Variants in PARG observed in about 807,000 individuals in gnomAD.
PARG encodes mitochondrial poly(ADP-ribose) glycohydrolase.
Under a neutral mutation model 113.0 loss-of-function variants are expected in PARG, and 35 were observed. That is an observed-to-expected ratio of 0.31 (90% CI 0.24 to 0.41). The LOEUF (loss-of-function observed/expected upper bound fraction) is 0.41. Ranked by LOEUF, PARG falls within the 10% of genes least tolerant of loss-of-function variation. The probability of loss-of-function intolerance (pLI) is 1.00; values close to 1 mark genes in which losing one functional copy is unlikely to be tolerated. For synonymous variants in PARG, 330 were observed against 409.9 expected (o/e 0.81, Z 2.36); for missense variants, 797 against 1,169.4 (o/e 0.68, Z 4.64).
Position 49,912,145 on chromosome 10 carries a change from C to T in PARG, c.1737+3772G>A, listed in dbSNP as rs1837222442. On this transcript the variant is annotated intron_variant, in intron 7 of 17. Coordinates refer to ENST00000616448, the MANE Select transcript of PARG (RefSeq NM_003631.5). ...TGAAACCCTGTCTCTACCAAAAATC[C>T]AAAAATTAGCCAGGTGTGGTGGTGC... Among the ~76,000 whole-genome samples, 3 of 151,732 alleles carry T rather than the reference C, an allele frequency of 2.0e-5. No homozygotes were observed. In the South Asian group the frequency reaches 6.2e-4, roughly 32 times the overall value.
chr10:49,930,013 T>A (rs1163776506), intron 4 of PARG, among the ~76,000 whole-genome samples: 1 of 151,776 alleles, frequency 6.6e-6, no homozygotes, highest in African/African-American at 2.4e-5. Flanking sequence ...AAGAAAATCC[T>A]GATTCATCCA....
intron 8 of PARG, among the ~76,000 whole-genome samples, chr10:49,880,146 A>G (rs1279083307): frequency 1.3e-5 from 2 of 152,246 alleles, no homozygotes; most frequent in East Asian, 3.8e-4. Context: ...GTAATGAAAA[A>G]TTAAAACAAA....
intron 13 of PARG, among the ~76,000 whole-genome samples, chr10:49,844,622 C>CAAAAAAAAAAAAAAAACAAAAA (rs34659290): frequency 9.0e-6 from 1 of 111,188 alleles, no homozygotes. Context: ...GACTCCATCT[C>CAAAAAAAAAAAAAAAACAAAAA]AAAAAAAAAA....
chr10:49,828,092 CAAAAAAAAAAAAAAAAAA>C (rs71026274), intron 16 of PARG, among the ~76,000 whole-genome samples: 3 of 50,368 alleles, frequency 6.0e-5, no homozygotes, highest in African/African-American at 2.4e-4. Context: ...AAAGCTTAAA[CAAAAAAAAAAAAAAAAAA>C]AAAAAAAAAA....
chr10:49,828,858 C>A (rs550792950), intron 16 of PARG, among the ~76,000 whole-genome samples: 2 of 151,986 alleles, frequency 1.3e-5, no homozygotes, highest in Admixed American at 1.3e-4. Flanking sequence ...CTGGGTGACA[C>A]AATGAGACCC....
At chr10:49,835,369 T>C (rs1844863856) in intron 15 of PARG, among the ~76,000 whole-genome samples, 2 of 152,064 alleles carry the variant, frequency 1.3e-5, no homozygotes, top group South Asian at 2.1e-4. Flanking sequence ...GAGCAATTTA[T>C]TTTTACTAAT....
intron 16 of PARG, among the ~76,000 whole-genome samples, chr10:49,831,224 AT>A (rs1554830218): frequency 7.3e-6 from 1 of 137,072 alleles, no homozygotes; most frequent in Non-Finnish European, 1.6e-5. Flanking sequence ...ATTTTTCTAG[AT>A]TAAAAAAAAA....
intron 7 of PARG, among the ~76,000 whole-genome samples, chr10:49,905,788 T>C (rs1273348559): frequency 6.6e-6 from 1 of 151,548 alleles, no homozygotes; most frequent in Admixed American, 6.6e-5. Context: ...AATAAGGGAG[T>C]AGAAAACTAG....
At chr10:49,824,723 A>C (rs1844266698) in intron 16 of PARG, among the ~76,000 whole-genome samples, 1 of 152,166 alleles carries the variant, frequency 6.6e-6, no homozygotes, top group African/African-American at 2.4e-5. Context: ...TAGGAGCTTT[A>C]CAAATACTAC....
intron 1 of PARG, among the ~76,000 whole-genome samples, chr10:49,937,291 A>G (rs1838795466): frequency 6.6e-6 from 1 of 152,172 alleles, no homozygotes; most frequent in Non-Finnish European, 1.5e-5. Flanking sequence ...CCTGGCTAAC[A>G]TGGTGAAACC....
chr10:49,843,068 C>T (rs955392691), intron 14 of PARG, among the ~76,000 whole-genome samples: 21 of 152,168 alleles, frequency 1.4e-4, no homozygotes, highest in African/African-American at 4.8e-4. Context: ...GACTATATTT[C>T]AAGAAGATAT....
At position 49,933,682 on chromosome 10, in the gene PARG, C is replaced by T; in HGVS notation, c.766G>A (p.Asp256Asn). 6.2e-7 allele frequency: 1 copy of T among 1,611,196 alleles called. No individual in the cohort carries two copies. Among genetic ancestry groups the T allele is most frequent in the Non-Finnish European group, 8.5e-7 (1 of 1,177,352 alleles). Residue 256 changes from aspartate to asparagine, a missense_variant, in exon 3 of 18, where the codon GAT (aspartate) becomes AAT (asparagine). By Grantham distance (23) the Asp-to-Asn change is conservative. Around this residue, in one of 5 missense-constraint regions of PARG, gnomAD observed 284 missense variants for 306.1 expected, o/e 0.93. Coordinates refer to ENST00000616448, the MANE Select transcript of PARG (RefSeq NM_003631.5). ...DCASCQQDEIDVVPESPLSDV... is the reference protein window; with the variant it reads ...DCASCQQDEINVVPESPLSDV... ...GACAATGGACTCTCTGGCACCACAT[C>T]TATCTCATCTTGCTGACAACTTGCA...
rs1380901049 is a variant in PARG, at chr10:49,880,418, A to G, written c.1831-588T>C. Among the ~76,000 whole-genome samples the G allele has an allele frequency of 5.9e-5, 9 of 152,208 alleles. No individual in the cohort carries two copies. The East Asian group carries it at 1.7e-3, about 29-fold the overall frequency. On this transcript the variant is annotated intron_variant, in intron 8 of 17. Coordinates refer to ENST00000616448, the MANE Select transcript of PARG (RefSeq NM_003631.5). Reference sequence around the variant, plus strand: ...TGCATAAGTTGTAAAAAGATAAGACATTTCTTACATAACCAAACATTCCAA... The same window carrying G: ...TGCATAAGTTGTAAAAAGATAAGACGTTTCTTACATAACCAAACATTCCAA...
At chr10:49,834,057 A>G (rs1844797665) in intron 15 of PARG, among the ~76,000 whole-genome samples, 1 of 152,176 alleles carries the variant, frequency 6.6e-6, no homozygotes, top group African/African-American at 2.4e-5. Flanking sequence ...GATATTAATT[A>G]TAAGTTGGTA....
intron 13 of PARG, among the ~76,000 whole-genome samples, chr10:49,851,834 CTCTA>C (rs1845775069): frequency 6.7e-6 from 1 of 149,834 alleles, no homozygotes; most frequent in African/African-American, 2.5e-5. Context: ...AACTCTTTCC[CTCTA>C]TCTATACTTA....
chr10:49,920,571 CGT>C (rs1369643139), intron 6 of PARG, among the ~76,000 whole-genome samples: 83 of 116,424 alleles, frequency 7.1e-4, no homozygotes, highest in Admixed American at 1.9e-3. Context: ...CGTATATATA[CGT>C]GTATATATAT....
chr10:49,891,259 A>G (rs1554841425), intron 7 of PARG, among the ~76,000 whole-genome samples: 1 of 152,234 alleles, frequency 6.6e-6, no homozygotes, highest in East Asian at 1.9e-4. Context: ...GGTTGCAGTG[A>G]GCCGAGATCG....
chr10:49,834,279 G>A (rs1333509391), intron 15 of PARG, among the ~76,000 whole-genome samples: 2 of 152,132 alleles, frequency 1.3e-5, no homozygotes, highest in African/African-American at 4.8e-5. Context: ...TAACTTTGCC[G>A]CTTTGTTTCA....
chr10:49,911,354 T>C (rs1423746860), intron 7 of PARG, among the ~76,000 whole-genome samples: 4 of 151,810 alleles, frequency 2.6e-5, no homozygotes, highest in African/African-American at 4.8e-5. Context: ...TTATAACATA[T>C]AGAACATTTT....
Sources: gnomAD v4.1 joint callset for allele counts (sites outside exome capture counted in the v4.1 genomes callset) on GRCh38, gnomAD v4.1.1 for gene constraint, gnomAD v4.1.1 regional missense constraint, MANE v1.5 for transcripts, NCBI Gene and HGNC (gene_info 2026-07-23, HGNC 2026-07-21) for gene names.